TLK1: variants seen among roughly 807,000 people sequenced by gnomAD.
The protein encoded by TLK1 is tousled like kinase 1.
Under a neutral mutation model 105.3 loss-of-function variants are expected in TLK1, and 24 were observed. That is an observed-to-expected ratio of 0.23 (90% CI 0.17 to 0.32). TLK1 has a LOEUF of 0.32. TLK1 is among the 10% of genes least tolerant of loss of function. The pLI is 1.00. For synonymous variants in TLK1, 321 were observed against 310.4 expected (o/e 1.03, Z -0.36); for missense variants, 558 against 910.5 (o/e 0.61, Z 4.98).
intron 1 of TLK1, among the ~76,000 whole-genome samples, chr2:171,151,513 C>T (rs1365612899): frequency 3.1e-5 from 4 of 128,186 alleles, no homozygotes; most frequent in South Asian, 2.4e-4. Flanking sequence ...CTTGCTCTGT[C>T]GCCCAGGCTG....
At chr2:171,194,700 C>T (rs1032012674) in intron 1 of TLK1, among the ~76,000 whole-genome samples, 2 of 147,742 alleles carry the variant, frequency 1.4e-5, no homozygotes, top group Non-Finnish European at 3.0e-5. Flanking sequence ...GCCTGTAGTC[C>T]CAGCTACTCC....
intron 12 of TLK1, among the ~76,000 whole-genome samples, chr2:171,022,086 A>AACACACACACACAC (rs557803785): frequency 1.7e-3 from 179 of 103,020 alleles, no homozygotes; most frequent in African/African-American, 4.6e-3. Flanking sequence ...CTGGGCGAAA[A>AACACACACACACAC]ACACACACAC....
Position 171,022,447 on chromosome 2 carries a change from T to C in TLK1, c.1236+5892A>G, listed in dbSNP as rs559442164. 1.0e-3 allele frequency among the ~76,000 whole-genome samples: 153 copies of C among 152,070 alleles called. No individual in the cohort carries two copies. The Middle Eastern group carries it at 0.01, about 10-fold the overall frequency. Reference sequence around the variant, plus strand: ...GCACATACACACACACACACCTCCCTCCAAGAAATCAGGAATCTTTTAACA... The same window carrying C: ...GCACATACACACACACACACCTCCCCCCAAGAAATCAGGAATCTTTTAACA... On this transcript the variant is annotated intron_variant, in intron 12 of 20. Coordinates refer to ENST00000431350, the MANE Select transcript of TLK1 (RefSeq NM_012290.5).
At chr2:171,146,683 CAA>C (rs976286316) in intron 1 of TLK1, among the ~76,000 whole-genome samples, 2 of 152,124 alleles carry the variant, frequency 1.3e-5, no homozygotes, top group African/African-American at 2.4e-5. Context: ...TCAACTGAAA[CAA>C]GATACCATTT....
intron 18 of TLK1, among the ~76,000 whole-genome samples, chr2:171,001,081 G>A (rs1684343555): frequency 6.6e-6 from 1 of 152,154 alleles, no homozygotes; most frequent in South Asian, 2.1e-4. Context: ...ATCCTGCAAA[G>A]TCATATGCAA....
intron 11 of TLK1, among the ~76,000 whole-genome samples, chr2:171,033,490 T>C (rs1559354877): frequency 6.6e-6 from 1 of 151,430 alleles, no homozygotes; most frequent in Non-Finnish European, 1.5e-5. Flanking sequence ...ATGAATAAGA[T>C]CTAGTATTTG....
intron 3 of TLK1, among the ~76,000 whole-genome samples, chr2:171,081,104 T>C (rs1160440492): frequency 2.0e-5 from 3 of 152,364 alleles, no homozygotes; most frequent in African/African-American, 7.2e-5. Context: ...TTGTGTTTCA[T>C]TTCAAATGCC....
chr2:171,053,005 A>G (rs1035859272), intron 8 of TLK1, among the ~76,000 whole-genome samples: 4 of 152,180 alleles, frequency 2.6e-5, no homozygotes, highest in Admixed American at 6.5e-5. Flanking sequence ...ACCCTTCCCA[A>G]CTGGTGAGTC....
intron 1 of TLK1, chr2:171,154,568 T>C (rs937547902): frequency 6.6e-6 from 1 of 152,182 alleles, no homozygotes; most frequent in Admixed American, 6.5e-5. Flanking sequence ...TAATTCTTAG[T>C]TTATGGAACT....
chr2:171,016,451 G>T (rs985698430), intron 12 of TLK1, among the ~76,000 whole-genome samples: 1 of 152,090 alleles, frequency 6.6e-6, no homozygotes, highest in Non-Finnish European at 1.5e-5. Flanking sequence ...TTTTTAGTAC[G>T]TAATTTTGAA....
At chr2:171,088,510 A>T (rs6761889) in intron 2 of TLK1, among the ~76,000 whole-genome samples, 1 of 152,146 alleles carries the variant, frequency 6.6e-6, no homozygotes, top group Non-Finnish European at 1.5e-5. Context: ...TAAAAAATCA[A>T]GCACAATGGC....
intron 1 of TLK1, among the ~76,000 whole-genome samples, chr2:171,155,266 A>C (rs1261904979): frequency 6.6e-6 from 1 of 152,180 alleles, no homozygotes; most frequent in South Asian, 2.1e-4. Context: ...CAGCCCCCAT[A>C]GTATTCTAAA....
chr2:171,083,498 A>G (rs377147008), intron 2 of TLK1, among the ~76,000 whole-genome samples: 34 of 152,288 alleles, frequency 2.2e-4, no homozygotes, highest in African/African-American at 7.7e-4. Flanking sequence ...CTTCTATGAT[A>G]CTTATTATCT....
intron 1 of TLK1, among the ~76,000 whole-genome samples, chr2:171,122,724 A>G (rs553554048): frequency 2.6e-5 from 4 of 152,090 alleles, no homozygotes; most frequent in Non-Finnish European, 5.9e-5. Flanking sequence ...GACAAAATCC[A>G]AGATACAATA....
chr2:171,142,571 G>A (rs1411082353), intron 1 of TLK1, among the ~76,000 whole-genome samples: 1 of 152,214 alleles, frequency 6.6e-6, no homozygotes, highest in East Asian at 1.9e-4. Flanking sequence ...TCACCAGGTA[G>A]ATTTAAAAAA....
At chr2:171,128,202 G>A (rs934781264) in intron 1 of TLK1, among the ~76,000 whole-genome samples, 1 of 152,014 alleles carries the variant, frequency 6.6e-6, no homozygotes, top group Non-Finnish European at 1.5e-5. Context: ...AAAGCATAGG[G>A]TTTCTGCTTC....
chr2:171,222,254 C>T (rs868342608), intron 1 of TLK1, among the ~76,000 whole-genome samples: 2 of 152,170 alleles, frequency 1.3e-5, no homozygotes, highest in Non-Finnish European at 1.5e-5. Context: ...AGAAAGAAAC[C>T]TTTGTGGTGT....
At chr2:171,171,354 GA>G (rs905723818) in intron 1 of TLK1, among the ~76,000 whole-genome samples, 16 of 147,222 alleles carry the variant, frequency 1.1e-4, no homozygotes, top group African/African-American at 2.2e-4. Flanking sequence ...ACCCTGTCTG[GA>G]AAAAAAAAAG....
intron 1 of TLK1, among the ~76,000 whole-genome samples, chr2:171,211,897 G>T (rs1205266197): frequency 6.7e-6 from 1 of 148,746 alleles, no homozygotes; most frequent in African/African-American, 2.5e-5. Flanking sequence ...CCAGGCTGGA[G>T]TGCAGTGGTG....
Sources: gnomAD v4.1 joint callset for allele counts (sites outside exome capture counted in the v4.1 genomes callset) on GRCh38, gnomAD v4.1.1 for gene constraint, MANE v1.5 for transcripts, NCBI Gene and HGNC (gene_info 2026-07-23, HGNC 2026-07-21) for gene names.